Variants in SLCO4C1 observed in about 807,000 individuals in gnomAD.
The protein encoded by SLCO4C1 is organic anion transporter M1.
SLCO4C1 carries 58 observed loss-of-function variants against 72.1 expected under a neutral mutation model. The ratio of observed to expected loss-of-function variants is 0.80; its 90% CI spans 0.65 to 1.00. The LOEUF (loss-of-function observed/expected upper bound fraction) is 1.00, where lower values mean the gene tolerates loss of function less well. SLCO4C1 is among the 50% of genes least tolerant of loss of function. The pLI is 0.00. For missense variants in SLCO4C1, 898 were observed against 857.9 expected (o/e 1.05, Z -0.58); for synonymous variants, 297 against 312.5 (o/e 0.95, Z 0.52).
At chr5:102,265,029 C>G (rs144244749) in intron 3 of SLCO4C1, among the ~76,000 whole-genome samples, 1 of 151,732 alleles carries the variant, frequency 6.6e-6, no homozygotes, top group Admixed American at 6.6e-5. Flanking sequence ...CATCTGTTGA[C>G]GAATATTTAG....
intron 8 of SLCO4C1, among the ~76,000 whole-genome samples, chr5:102,254,873 C>T (rs1476884675): frequency 6.6e-6 from 1 of 152,090 alleles, no homozygotes; most frequent in Non-Finnish European, 1.5e-5. Flanking sequence ...GGTCTGGAAG[C>T]AAACCCACAA....
At chr5:102,291,768 C>G (rs191690847) in intron 1 of SLCO4C1, among the ~76,000 whole-genome samples, 162 bp from the exon 2 acceptor site, 1 of 151,636 alleles carries the variant, frequency 6.6e-6, no homozygotes, top group East Asian at 1.9e-4. Flanking sequence ...AAACATATTT[C>G]CTTGAAAATC....
At chr5:102,238,110 A>C (rs1217536772) in intron 12 of SLCO4C1, among the ~76,000 whole-genome samples, 1 of 152,178 alleles carries the variant, frequency 6.6e-6, no homozygotes, top group African/African-American at 2.4e-5. Context: ...AGACTATAGA[A>C]TGATTAGTTA....
chr5:102,249,904 T>C, intron 8 of SLCO4C1, 116 bp from the exon 9 acceptor site: 1 of 1,037,010 alleles, frequency 9.6e-7, no homozygotes, highest in African/African-American at 1.6e-5. Context: ...AACACATAAT[T>C]ACTAAACAAA....
intron 8 of SLCO4C1, among the ~76,000 whole-genome samples, chr5:102,250,072 G>T (rs1748710718): frequency 6.6e-6 from 1 of 152,174 alleles, no homozygotes; most frequent in Non-Finnish European, 1.5e-5. Context: ...TAATTCTCTT[G>T]TGGGGTTGGT....
chr5:102,295,202 G>T (rs1233391432), intron 1 of SLCO4C1, among the ~76,000 whole-genome samples: 1 of 152,168 alleles, frequency 6.6e-6, no homozygotes, highest in Non-Finnish European at 1.5e-5. Flanking sequence ...TAGATTGCAA[G>T]CCCCTGAGGG....
chr5:102,286,426 T>C (rs1189905598), intron 2 of SLCO4C1, among the ~76,000 whole-genome samples: 1 of 152,130 alleles, frequency 6.6e-6, no homozygotes, highest in Non-Finnish European at 1.5e-5. Flanking sequence ...AAATTAAGAT[T>C]GCTTAGATGA....
At chr5:102,273,666 C>T (rs1749194203) in intron 2 of SLCO4C1, among the ~76,000 whole-genome samples, 1 of 152,094 alleles carries the variant, frequency 6.6e-6, no homozygotes, top group African/African-American at 2.4e-5. Context: ...CCTATTAAAT[C>T]TCATAAAATG....
At chr5:102,256,708 T>G (rs1219762558) in intron 8 of SLCO4C1, among the ~76,000 whole-genome samples, 1 of 152,242 alleles carries the variant, frequency 6.6e-6, no homozygotes, top group Non-Finnish European at 1.5e-5. Flanking sequence ...CTAATTTCTC[T>G]TCTTGTCTGT....
In SLCO4C1 at chr5:102,234,389, G is replaced by T. The variant is rs1036276411; in HGVS notation, c.*2469C>A. 4.6e-5 allele frequency: 7 copies of T among 152,486 alleles called. No homozygotes were observed. Among genetic ancestry groups the T allele is most frequent in the African/African-American group, 1.7e-4 (7 of 41,382 alleles). The allele number at this position is 152,486 out of a possible 1,614,324, so 9.4% of individuals were successfully genotyped here. ...GTGTCTGTAAAACCCTGTTATAAAG[G>T]AGGTATTCTTTTAAAATATGTACCT... On this transcript the variant is annotated 3_prime_UTR_variant, in exon 13 of 13. Transcript: ENST00000310954.
intron 8 of SLCO4C1, among the ~76,000 whole-genome samples, chr5:102,253,572 C>T (rs1748780032): frequency 1.3e-5 from 2 of 151,896 alleles, no homozygotes; most frequent in South Asian, 2.1e-4. Flanking sequence ...TTTGGGAGGC[C>T]GAGGCGGGTG....
At chr5:102,269,018 A>T (rs1749098560) in intron 3 of SLCO4C1, among the ~76,000 whole-genome samples, 1 of 151,624 alleles carries the variant, frequency 6.6e-6, no homozygotes, top group Non-Finnish European at 1.5e-5. Flanking sequence ...CCTGACCTGT[A>T]AGGTTTCTGC....
intron 2 of SLCO4C1, among the ~76,000 whole-genome samples, chr5:102,274,561 G>C (rs1343161387): frequency 6.6e-6 from 1 of 152,122 alleles, no homozygotes; most frequent in African/African-American, 2.4e-5. Flanking sequence ...CCTGCTGCCA[G>C]GGGTAGGGCA....
chr5:102,270,812 T>A lies in SLCO4C1; in HGVS notation c.620-6A>T. On this transcript the variant is annotated splice_polypyrimidine_tract_variant and splice_region_variant and intron_variant, in intron 2 of 12. Transcript: ENST00000310954. ...CCTTGTTGTTACACAAGTGTCTTTG[T>A]GGAAAAAAAAATTGTGAATTTATAG... The A allele has an allele frequency of 6.8e-7, 1 of 1,464,070 alleles. No homozygotes were observed. Among genetic ancestry groups the A allele is most frequent in the Non-Finnish European group, 9.0e-7 (1 of 1,114,820 alleles). 90.7% of individuals were successfully genotyped at this position (1,464,070 alleles called of 1,614,324 possible). A position where few individuals can be genotyped will look rare whatever the true frequency, so the allele number is the denominator to read the frequency against.
Position 102,272,412 on chromosome 5 carries a change from C to T in SLCO4C1, c.620-1606G>A, listed in dbSNP as rs562700356. Among the ~76,000 whole-genome samples, 5 of 152,184 alleles carry T rather than the reference C, an allele frequency of 3.3e-5. No individual in the cohort carries two copies. In the South Asian group the frequency reaches 1.0e-3, roughly 32 times the overall value. ...ATTTAATTGATCCATTTTCATAATA[C>T]AGGTGGTCCTGTATTATGAAATCTA... On this transcript the variant is annotated intron_variant, in intron 2 of 12. Transcript: ENST00000310954.
chr5:102,257,621 T>C (rs1748861239), intron 7 of SLCO4C1, among the ~76,000 whole-genome samples: 1 of 55,642 alleles, frequency 1.8e-5, no homozygotes, highest in Non-Finnish European at 3.9e-5. Flanking sequence ...TAAGTGTCTT[T>C]TTTTTTTTTT....
intron 2 of SLCO4C1, among the ~76,000 whole-genome samples, chr5:102,272,814 G>A (rs1436886427): frequency 5.9e-5 from 9 of 151,980 alleles, no homozygotes; most frequent in Admixed American, 5.9e-4. Flanking sequence ...AATTAGCCAA[G>A]TGTGGTGGCA....
chr5:102,260,280 T>C lies in SLCO4C1; in HGVS notation c.1061A>G (p.His354Arg). 2 of 1,387,184 alleles carry C rather than the reference T, an allele frequency of 1.4e-6. No homozygotes were observed. Among genetic ancestry groups the C allele is most frequent in the Non-Finnish European group, 1.9e-6 (2 of 1,062,096 alleles). The allele number at this position is 1,387,184 out of a possible 1,614,324, so 85.9% of individuals were successfully genotyped here. A position where few individuals can be genotyped will look rare whatever the true frequency, so the allele number is the denominator to read the frequency against. The change falls in exon 6 of 13, where the codon CAT becomes CGT. Residue 354 changes from histidine (H) to arginine (R), a missense_variant. His to Arg is a conservative substitution (Grantham distance 29). Transcript: ENST00000310954. The part of the protein sequence containing the change: ...EIQAGKTSQA[H>R]QSNSNADVKF... ...CACATCTGCATTACTATTACTCTGATGAGCCTGGGAAGTTTTTCCAGCTTG... is the reference window on the plus strand; with the variant it reads ...CACATCTGCATTACTATTACTCTGACGAGCCTGGGAAGTTTTTCCAGCTTG...
chr5:102,249,525 G>A (rs1580243011), intron 9 of SLCO4C1, 113 bp downstream of exon 9: 8 of 1,043,304 alleles, frequency 7.7e-6, no homozygotes, highest in Middle Eastern at 2.0e-4. Context: ...GCTGCTTAAC[G>A]GAGGCAATGG....
Sources: allele counts gnomAD v4.1 joint callset (sites outside exome capture counted in the v4.1 genomes callset), GRCh38; gene constraint gnomAD v4.1.1; transcripts MANE v1.5; gene names NCBI Gene and HGNC (gene_info 2026-07-23, HGNC 2026-07-21).